The following FAM53A variants were observed in gnomAD, a reference collection of about 807,000 sequenced individuals.
The protein encoded by FAM53A is family with sequence similarity 53 member A.
Under a neutral mutation model 26.6 loss-of-function variants are expected in FAM53A, and 28 were observed. The observed-to-expected ratio is 1.05, with a 90% CI of 0.78 to 1.45. FAM53A has a LOEUF of 1.45. Ranked by LOEUF, FAM53A falls within the 40% of genes most tolerant of loss-of-function variation. FAM53A has a pLI of 0.00. For missense variants in FAM53A, 650 were observed against 575.8 expected, an observed-to-expected ratio of 1.13 and a Z score of -1.32; for synonymous variants, 290 against 253.1, an observed-to-expected ratio of 1.15 and a Z score of -1.38.
At chr4:1,642,448 TCTCA>T (rs1335879023) in intron 4 of FAM53A, among the ~76,000 whole-genome samples, 1 of 151,150 alleles carries the variant, frequency 6.6e-6, no homozygotes. Flanking sequence ...CCCGGCTATA[TCTCA>T]CTCAGTAGCC....
intron 4 of FAM53A, among the ~76,000 whole-genome samples, chr4:1,649,773 C>G (rs1446807669): frequency 6.6e-6 from 1 of 152,270 alleles, no homozygotes; most frequent in East Asian, 1.9e-4. Context: ...GAGGCCTGAG[C>G]AGAGCCTCCC....
At chr4:1,639,593 G>T (rs943664983), downstream of FAM53A, among the ~76,000 whole-genome samples, 3 of 152,150 alleles carry the variant, frequency 2.0e-5, no homozygotes, top group African/African-American at 7.2e-5. Context: ...CAACGGAGGA[G>T]GGCAGAGCCT....
chr4:1,618,082 C>T (rs1390762137), exon 2 of FAM53A: 3 of 456,252 alleles, frequency 6.6e-6, no homozygotes, highest in South Asian at 1.5e-5. Flanking sequence ...GTCATGGCAA[C>T]ATACTTGGTG....
At chr4:1,602,870 C>T in the FAM53A span, among the ~76,000 whole-genome samples, 9 of 152,084 alleles carry the variant, frequency 5.9e-5, no homozygotes, top group Admixed American at 2.0e-4. Flanking sequence ...GCTTGGAAGC[C>T]GGCCCACCAG....
chr4:1,623,003 C>T (rs1254052062), intron 1 of FAM53A, among the ~76,000 whole-genome samples: 3 of 152,224 alleles, frequency 2.0e-5, no homozygotes, highest in South Asian at 4.1e-4. Context: ...CTCTTGTGCC[C>T]ATGGGGAAAC....
chr4:1,641,863 C>T (rs73194143), intron 4 of FAM53A, among the ~76,000 whole-genome samples: 2,610 of 152,276 alleles, frequency 0.017, 40 homozygotes, highest in Non-Finnish European at 0.026. Context: ...TGGGCAGAGA[C>T]GCACAGCCTG....
At chr4:1,587,552 A>G in the FAM53A span, among the ~76,000 whole-genome samples, 1 of 152,142 alleles carries the variant, frequency 6.6e-6, no homozygotes, top group Non-Finnish European at 1.5e-5. Context: ...CATGCCTGTA[A>G]TCCCAGCTAC....
rs1445560506 is a variant in FAM53A at position 1,684,247 on chromosome 4, G to C, written c.-179C>G. On this transcript the variant is annotated 5_prime_UTR_variant, in exon 1 of 5. Transcript: ENST00000308132. ...GGGCTCGGTACCTGAGCGCGGCCGCGGGGGTGCGGAGCGAGAAGACTGCCG... is the reference window on the plus strand; with the variant it reads ...GGGCTCGGTACCTGAGCGCGGCCGCCGGGGTGCGGAGCGAGAAGACTGCCG... 1.3e-5 allele frequency: 2 copies of C among 151,138 alleles called. No homozygotes were observed. Among genetic ancestry groups the C allele is most frequent in the South Asian group, 2.0e-4 (1 of 4,882 alleles). 9.4% of individuals were successfully genotyped at this position (151,138 alleles called of 1,614,324 possible).
chr4:1,577,422 G>T, the FAM53A span, among the ~76,000 whole-genome samples: 3 of 152,006 alleles, frequency 2.0e-5, no homozygotes, highest in African/African-American at 7.3e-5. Flanking sequence ...GTGGCCACAG[G>T]GTGCGGGGTG....
At chr4:1,644,253 T>C (rs1385647014) in intron 4 of FAM53A, 2 of 1,535,960 alleles carry the variant, frequency 1.3e-6, no homozygotes, top group East Asian at 2.4e-5. Context: ...GAGTCGACCC[T>C]CTGGACTGAC....
chr4:1,641,594 G>GAATTT lies in FAM53A; in HGVS notation c.891_895dup (p.Ser299Ter). 1.2e-6 allele frequency: 2 copies of GAATTT among 1,614,010 alleles called. No homozygotes were observed. Among genetic ancestry groups the GAATTT allele is most frequent in the Non-Finnish European group, 1.7e-6 (2 of 1,179,940 alleles). On this transcript the variant is annotated stop_gained and frameshift_variant, in exon 5 of 5. Transcript: ENST00000308132. LOFTEE classifies it low-confidence loss of function (END_TRUNC). ...GTAATTGAGGGAGCAAAGGCTTTTT[G>GAATTT]AATTTTTTAAAGTCTGCAATAGAAA...
chr4:1,618,794 G>A (rs961349416), intron 1 of FAM53A, among the ~76,000 whole-genome samples: 2 of 152,136 alleles, frequency 1.3e-5, no homozygotes, highest in Admixed American at 6.5e-5. Flanking sequence ...CCATCCCAGC[G>A]GGGGAATGCC....
chr4:1,685,459 G>C (rs1448118413), upstream of FAM53A, among the ~76,000 whole-genome samples: 1 of 152,058 alleles, frequency 6.6e-6, no homozygotes, highest in African/African-American at 2.4e-5. Context: ...GATGCATGGA[G>C]GCCGGCTGGT....
At chr4:1,590,796 A>G in the FAM53A span, among the ~76,000 whole-genome samples, 2 of 151,640 alleles carry the variant, frequency 1.3e-5, no homozygotes, top group African/African-American at 4.8e-5. Flanking sequence ...TTAATTTATT[A>G]TGCCATTCAA....
chr4:1,629,825 C>T (rs1003881075), intron 1 of FAM53A, among the ~76,000 whole-genome samples: 7 of 152,184 alleles, frequency 4.6e-5, no homozygotes, highest in African/African-American at 1.2e-4. Context: ...GGGCCCACCC[C>T]GGCCCACCCA....
In FAM53A at chr4:1,630,632, G is replaced by T. The variant is rs147217980; in HGVS notation, c.432-12521C>A. 7.6e-3 allele frequency among the ~76,000 whole-genome samples: 1,153 copies of T among 152,268 alleles called. 21 individuals are homozygous for T. The highest frequency in any genetic ancestry group is 0.026 in the African/African-American group (1,065 of 41,532). On this transcript the variant is annotated intron_variant, in intron 1 of 1. Transcript: ENST00000489029. This position sits in a 1 kb window ranked among gnomAD's most constrained non-coding sequence, Gnocchi z 4.3. ...CACCGCCACTCCCAAGACAGGCCAG[G>T]AGCCTGCTCTAAACACCATCGTGGA...
At chr4:1,648,071 C>G (rs1712404353) in intron 4 of FAM53A, among the ~76,000 whole-genome samples, 1 of 151,966 alleles carries the variant, frequency 6.6e-6, no homozygotes, top group South Asian at 2.1e-4. Flanking sequence ...TAGCTGGGCA[C>G]AGGAGTGTGC....
rs1577122220 is a variant in FAM53A, at chr4:1,654,199, A to T, written c.882+779T>A. ...TCTGCCACTGCCCAAAGCTTCCCCG[A>T]CACAGATGACCCAGTGAGTGTGCAC... On this transcript the variant is annotated intron_variant, in intron 4 of 4. Transcript: ENST00000308132. Among the ~76,000 whole-genome samples the T allele has an allele frequency of 6.6e-5, 10 of 152,278 alleles. 2 individuals carry two copies. Among genetic ancestry groups the T allele is most frequent in the African/African-American group, 2.2e-4 (9 of 41,562 alleles).
At chr4:1,628,902 T>C (rs2108768576) in intron 1 of FAM53A, among the ~76,000 whole-genome samples, 1 of 151,752 alleles carries the variant, frequency 6.6e-6, no homozygotes, top group East Asian at 1.9e-4. Context: ...CAGGGTCCCC[T>C]ACTCCGTAGC....
Sources: allele counts gnomAD v4.1 joint callset (sites outside exome capture counted in the v4.1 genomes callset), GRCh38; gene constraint gnomAD v4.1.1; non-coding constraint Gnocchi (gnomAD v3.1); transcripts MANE v1.5; gene names NCBI Gene and HGNC (gene_info 2026-07-23, HGNC 2026-07-21).